Variants in DNER observed in about 807,000 individuals in gnomAD.
DNER encodes delta and Notch-like epidermal growth factor-related receptor.
A neutral mutation model predicts 78.2 loss-of-function variants in DNER; 33 were observed. That is an observed-to-expected ratio of 0.42 (90% confidence interval 0.32 to 0.56). DNER has a LOEUF of 0.56. Among genes scored for constraint, DNER ranks in the 20% least tolerant of loss-of-function variants. The pLI is 0.11. For synonymous variants in DNER, 417 were observed against 384.8 expected (o/e 1.08, Z -0.98); for missense variants, 918 against 975.3 (o/e 0.94, Z 0.78).
chr2:229,516,689 G>A (rs1364686476), intron 5 of DNER, among the ~76,000 whole-genome samples: 1 of 151,544 alleles, frequency 6.6e-6, no homozygotes, highest in African/African-American at 2.4e-5. Flanking sequence ...GGAAGCTGAG[G>A]GAAGACGACT....
chr2:229,535,813 G>T (rs1174077110), intron 5 of DNER, among the ~76,000 whole-genome samples: 1 of 151,758 alleles, frequency 6.6e-6, no homozygotes, highest in Non-Finnish European at 1.5e-5. Flanking sequence ...CCAGCTAATT[G>T]TTGTATTTTT....
intron 6 of DNER, among the ~76,000 whole-genome samples, chr2:229,488,412 G>GTGCATGTGTGTA (rs1161428969): frequency 6.6e-6 from 1 of 152,232 alleles, no homozygotes; most frequent in Non-Finnish European, 1.5e-5. Flanking sequence ...TATGTGTTAT[G>GTGCATGTGTGTA]TGCATGTGTG....
At chr2:229,588,626 G>A (rs1697544583) in intron 2 of DNER, 138 bp from the exon 3 acceptor site, 7 of 668,018 alleles carry the variant, frequency 1.0e-5, no homozygotes, top group Non-Finnish European at 1.8e-5. Context: ...AGATGAAGAA[G>A]TGAAGCCTTA....
chr2:229,504,242 CAG>C (rs1281599720), intron 6 of DNER, among the ~76,000 whole-genome samples: 1 of 151,896 alleles, frequency 6.6e-6, no homozygotes, highest in African/African-American at 2.4e-5. Context: ...ATTTTTGAGA[CAG>C]AGTCTCACTC....
intron 8 of DNER, among the ~76,000 whole-genome samples, chr2:229,427,253 C>T (rs1053917986): frequency 1.2e-4 from 18 of 152,216 alleles, no homozygotes; most frequent in African/African-American, 4.3e-4. Flanking sequence ...TCACTGTTCA[C>T]ACCATGAGTT....
chr2:229,608,651 T>C (rs1697985893), intron 1 of DNER, among the ~76,000 whole-genome samples: 1 of 152,162 alleles, frequency 6.6e-6, no homozygotes, highest in Non-Finnish European at 1.5e-5. Context: ...ATGCCTATAT[T>C]GTAAAAATAT....
chr2:229,361,276 C>G lies in DNER; in HGVS notation c.2103-2625G>C, dbSNP rs564683465. ...ATGTCAGAGGCTGTTTATTTTATTG[C>G]AGGCATTTTCATGCAAGTGTTCATT... On this transcript the variant is annotated intron_variant, in intron 12 of 12. Transcript: ENST00000341772. 3.0e-3 allele frequency among the ~76,000 whole-genome samples: 450 copies of G among 151,688 alleles called. 3 individuals carry two copies. Among genetic ancestry groups the G allele is most frequent in the South Asian group, 0.016 (78 of 4,806 alleles).
At chr2:229,416,635 C>T (rs1333028471) in intron 9 of DNER, among the ~76,000 whole-genome samples, 1 of 152,202 alleles carries the variant, frequency 6.6e-6, no homozygotes, top group African/African-American at 2.4e-5. Flanking sequence ...TTACAGCATG[C>T]ACTTCCTCTC....
chr2:229,643,210 CT>C (rs1698658236), intron 1 of DNER, among the ~76,000 whole-genome samples: 1 of 152,036 alleles, frequency 6.6e-6, no homozygotes. Context: ...GAGTGAGCCC[CT>C]GTCTCAAAAA....
intron 8 of DNER, among the ~76,000 whole-genome samples, chr2:229,430,684 G>A (rs186588342): frequency 1.1e-5 from 1 of 90,794 alleles, no homozygotes; most frequent in African/African-American, 4.0e-5. Flanking sequence ...TTAATACTTA[G>A]TAAATATATA....
chr2:229,468,530 A>G (rs1312190190), intron 7 of DNER, among the ~76,000 whole-genome samples: 1 of 151,464 alleles, frequency 6.6e-6, no homozygotes, highest in Non-Finnish European at 1.5e-5. Flanking sequence ...AGCAAGAAAA[A>G]CTCACTTTGA....
chr2:229,424,004 G>C (rs867687175), intron 8 of DNER, among the ~76,000 whole-genome samples: 1 of 152,226 alleles, frequency 6.6e-6, no homozygotes, highest in African/African-American at 2.4e-5. Flanking sequence ...AGTATTCACA[G>C]CTGTACCTGT....
intron 7 of DNER, among the ~76,000 whole-genome samples, chr2:229,455,525 A>T (rs1694553216): frequency 6.6e-6 from 1 of 152,014 alleles, no homozygotes; most frequent in Admixed American, 6.5e-5. Context: ...TATGAATCCC[A>T]CAGGGTCATG....
intron 6 of DNER, among the ~76,000 whole-genome samples, chr2:229,499,795 A>G (rs1392717758): frequency 5.3e-5 from 8 of 152,206 alleles, no homozygotes; most frequent in African/African-American, 1.9e-4. Context: ...CTGCAGAATA[A>G]GAGAAAATAC....
At chr2:229,547,490 A>AT in intron 4 of DNER, among the ~76,000 whole-genome samples, 1 of 152,200 alleles carries the variant, frequency 6.6e-6, no homozygotes, top group East Asian at 1.9e-4. Flanking sequence ...ACCAGGGAGC[A>AT]GCTTACCTGC....
rs142783107 is a variant in DNER at position 229,570,827 on chromosome 2, C to T, written c.847+15031G>A. Among the ~76,000 whole-genome samples the T allele has an allele frequency of 4.7e-3, 710 of 151,976 alleles. 4 individuals are homozygous for T. The highest frequency in any genetic ancestry group is 0.045 in the Middle Eastern group (13 of 292). On this transcript the variant is annotated intron_variant, in intron 4 of 12. Transcript: ENST00000341772. ...GATGAGGGCGTGGCCAGTGCAAAAG[C>T]CAAGGCACAGGGATGCCTGGGAAGT...
chr2:229,611,885 C>T (rs572243383), intron 1 of DNER, among the ~76,000 whole-genome samples: 4 of 152,314 alleles, frequency 2.6e-5, no homozygotes, highest in African/African-American at 9.6e-5. Context: ...GTCTCCATAA[C>T]CACTCAGTCC....
chr2:229,622,611 C>T (rs1352058723), intron 1 of DNER, among the ~76,000 whole-genome samples: 1 of 152,088 alleles, frequency 6.6e-6, no homozygotes, highest in Non-Finnish European at 1.5e-5. Flanking sequence ...TGTTGTAATC[C>T]CCAGTACCTC....
At chr2:229,519,146 A>G (rs545905417) in intron 5 of DNER, among the ~76,000 whole-genome samples, 1 of 152,052 alleles carries the variant, frequency 6.6e-6, no homozygotes, top group Non-Finnish European at 1.5e-5. Flanking sequence ...TTTATGTAAT[A>G]TAGAGCCAAA....
Sources: allele counts gnomAD v4.1 joint callset (sites outside exome capture counted in the v4.1 genomes callset), GRCh38; gene constraint gnomAD v4.1.1; transcripts MANE v1.5; gene names NCBI Gene and HGNC (gene_info 2026-07-23, HGNC 2026-07-21).